Variants in RAB10 observed in about 807,000 individuals in gnomAD.
RAB10 encodes the protein ras-related protein Rab-10.
A neutral mutation model predicts 25.7 loss-of-function variants in RAB10; 5 were observed. That is an observed-to-expected ratio of 0.19 (90% CI 0.10 to 0.41). RAB10 has a LOEUF of 0.41. Among genes scored for constraint, RAB10 ranks in the 10% least tolerant of loss-of-function variants. RAB10 has a pLI of 1.00. For synonymous variants in RAB10, 89 were observed against 86.4 expected, an observed-to-expected ratio of 1.03 and a Z score of -0.16; for missense variants, 103 against 245.8, an observed-to-expected ratio of 0.42 and a Z score of 3.89.
intron 1 of RAB10, among the ~76,000 whole-genome samples, chr2:26,067,871 A>G (rs1311829344): frequency 6.6e-6 from 1 of 152,234 alleles, no homozygotes; most frequent in Non-Finnish European, 1.5e-5. Context: ...AGATTTGTAC[A>G]CGATGTTTGG....
At chr2:26,075,679 G>A (rs1206583136) in intron 1 of RAB10, among the ~76,000 whole-genome samples, 1 of 152,038 alleles carries the variant, frequency 6.6e-6, no homozygotes, top group Non-Finnish European at 1.5e-5. Context: ...GGGACAAGTT[G>A]TCATGACATT....
At chr2:26,119,289 T>C (rs1232154085) in intron 3 of RAB10, among the ~76,000 whole-genome samples, 2 of 152,070 alleles carry the variant, frequency 1.3e-5, no homozygotes, top group Non-Finnish European at 2.9e-5. Context: ...TGAGTACCTG[T>C]AGTCCCAGCT....
intron 1 of RAB10, among the ~76,000 whole-genome samples, chr2:26,052,867 G>T: frequency 6.6e-6 from 1 of 151,954 alleles, no homozygotes; most frequent in East Asian, 1.9e-4. Flanking sequence ...TATGTGTTGG[G>T]GTGTCCTTAT....
chr2:26,121,222 T>G (rs1280610306), intron 3 of RAB10, among the ~76,000 whole-genome samples: 2 of 152,186 alleles, frequency 1.3e-5, no homozygotes, highest in Non-Finnish European at 2.9e-5. Context: ...TAATTTTTCT[T>G]TGTTAAGCTT....
intron 1 of RAB10, among the ~76,000 whole-genome samples, chr2:26,064,894 C>T (rs1666481296): frequency 6.6e-6 from 1 of 152,008 alleles, no homozygotes; most frequent in Non-Finnish European, 1.5e-5. Context: ...CACATGTGCG[C>T]ACACACTCAC....
chr2:26,082,799 T>C (rs1387754890), intron 1 of RAB10, among the ~76,000 whole-genome samples: 2 of 152,146 alleles, frequency 1.3e-5, no homozygotes, highest in Non-Finnish European at 2.9e-5. Flanking sequence ...ATATGACCTA[T>C]CCCTAATGAA....
At chr2:26,074,255 A>G (rs182046614) in intron 1 of RAB10, among the ~76,000 whole-genome samples, 15 of 152,276 alleles carry the variant, frequency 9.9e-5, no homozygotes, top group African/African-American at 3.1e-4. Context: ...AACTTTCTAG[A>G]TTATAAATGG....
In RAB10 at chr2:26,076,714, C is replaced by T. The variant is rs185425690; in HGVS notation, c.128-21948C>T. The stretch of plus-strand genomic sequence containing the variant: ...ATCCCAGCACTTTGGAAGGTAGAGG[C>T]GGGCAGATCACCTGAGGTCAGGAGT... On this transcript the variant is annotated intron_variant, in intron 1 of 5. Transcript: ENST00000264710. Among the ~76,000 whole-genome samples the T allele has an allele frequency of 7.8e-3, 1,180 of 152,102 alleles. 22 individuals are homozygous for T. The highest frequency in any genetic ancestry group is 0.026 in the African/African-American group (1,082 of 41,506).
chr2:26,047,134 T>A (rs374397011), intron 1 of RAB10, among the ~76,000 whole-genome samples: 1 of 152,220 alleles, frequency 6.6e-6, no homozygotes, highest in African/African-American at 2.4e-5. Flanking sequence ...TTGTCATTCA[T>A]AGGTTCATGT....
At chr2:26,089,146 C>G (rs1027463539) in intron 1 of RAB10, among the ~76,000 whole-genome samples, 1 of 151,790 alleles carries the variant, frequency 6.6e-6, no homozygotes, top group East Asian at 1.9e-4. Flanking sequence ...TGATTGAGGC[C>G]GGGCACGATG....
chr2:26,109,682 T>C, intron 2 of RAB10, 86 bp from the exon 3 acceptor site: 6 of 1,327,070 alleles, frequency 4.5e-6, no homozygotes, highest in South Asian at 2.0e-5. Context: ...TATATATACT[T>C]AGGAAAAACT....
At chr2:26,130,082 A>T (rs1444717535) in intron 5 of RAB10, among the ~76,000 whole-genome samples, 6 of 152,160 alleles carry the variant, frequency 3.9e-5, no homozygotes, top group African/African-American at 1.4e-4. Context: ...CATAGGGCAG[A>T]TTCATTTACC....
intron 3 of RAB10, among the ~76,000 whole-genome samples, chr2:26,118,337 C>T (rs1258303775): frequency 1.4e-5 from 2 of 139,084 alleles, no homozygotes; most frequent in East Asian, 2.3e-4. Flanking sequence ...TTTTTGAGAC[C>T]GGGTTTCACT....
At chr2:26,116,108 C>T in intron 3 of RAB10, among the ~76,000 whole-genome samples, 1 of 152,150 alleles carries the variant, frequency 6.6e-6, no homozygotes, top group East Asian at 1.9e-4. Context: ...ACTTCGTGAT[C>T]TACCTGTCTT....
chr2:26,060,524 G>A (rs988828116), intron 1 of RAB10, among the ~76,000 whole-genome samples: 36 of 152,204 alleles, frequency 2.4e-4, no homozygotes, highest in Admixed American at 1.3e-3. Flanking sequence ...TCCTGACCTC[G>A]TGATCTGCCC....
intron 4 of RAB10, 143 bp from the exon 5 acceptor site, chr2:26,127,707 G>A: frequency 1.7e-6 from 1 of 602,282 alleles, no homozygotes; most frequent in Non-Finnish European, 2.9e-6. Context: ...TTATGAAAGA[G>A]CTTGACTTGC....
chr2:26,095,427 G>A (rs924512556), intron 1 of RAB10, among the ~76,000 whole-genome samples: 4 of 152,102 alleles, frequency 2.6e-5, no homozygotes, highest in African/African-American at 9.7e-5. Flanking sequence ...CTAACACGGT[G>A]AAACCCCGTC....
At chr2:26,111,767 T>C (rs1667577501) in intron 3 of RAB10, among the ~76,000 whole-genome samples, 1 of 152,206 alleles carries the variant, frequency 6.6e-6, no homozygotes, top group Non-Finnish European at 1.5e-5. Flanking sequence ...CCACATGAAC[T>C]GGTGTCCTGC....
intron 3 of RAB10, among the ~76,000 whole-genome samples, chr2:26,124,633 C>T (rs1025488773): frequency 9.2e-5 from 14 of 151,762 alleles, no homozygotes; most frequent in African/African-American, 3.4e-4. Context: ...TTCATTTTAA[C>T]TATTATTTTG....
Sources: gnomAD v4.1 joint callset for allele counts (sites outside exome capture counted in the v4.1 genomes callset) on GRCh38, gnomAD v4.1.1 for gene constraint, MANE v1.5 for transcripts, NCBI Gene and HGNC (gene_info 2026-07-23, HGNC 2026-07-21) for gene names.